Variants in CPNE4 observed in about 807,000 individuals in gnomAD.
CPNE4 encodes copine-4.
CPNE4 carries 25 observed loss-of-function variants against 67.9 expected under a neutral mutation model. That is an observed-to-expected ratio of 0.37 (90% CI 0.27 to 0.51). The LOEUF is 0.51. CPNE4 is among the 20% of genes least tolerant of loss of function. CPNE4 has a pLI of 0.93. For missense variants in CPNE4, 464 were observed against 690.8 expected, an observed-to-expected ratio of 0.67 and a Z score of 3.68; for synonymous variants, 242 against 244.9, an observed-to-expected ratio of 0.99 and a Z score of 0.11.
intron 2 of CPNE4, among the ~76,000 whole-genome samples, chr3:131,745,640 C>T (rs751742765): frequency 9.2e-5 from 14 of 152,060 alleles, no homozygotes; most frequent in Non-Finnish European, 2.1e-4. Flanking sequence ...CTATAAATGT[C>T]CAACTGCTTC....
chr3:131,938,582 T>C (rs999146196), intron 1 of CPNE4, among the ~76,000 whole-genome samples: 4 of 152,028 alleles, frequency 2.6e-5, no homozygotes, highest in African/African-American at 9.7e-5. Context: ...CTTACAATCA[T>C]GGCAGAATGC....
chr3:131,534,004 GA>G lies in CPNE4; in HGVS notation c.*1190del, dbSNP rs1241138371. The G allele has an allele frequency of 6.6e-6, 1 of 152,198 alleles. No homozygotes were observed. Among genetic ancestry groups the G allele is most frequent in the Non-Finnish European group, 1.5e-5 (1 of 68,030 alleles). The allele number at this position is 152,198 out of a possible 1,614,324, so 9.4% of individuals were successfully genotyped here. The stretch of plus-strand genomic sequence containing the variant: ...ATAGAATTTGTTCTCAGAAGTGATA[GA>G]AAGGAGGCAAGAAATTCCCACACTA... On this transcript the variant is annotated 3_prime_UTR_variant, in exon 16 of 16. Transcript: ENST00000429747.
chr3:132,010,120 T>C (rs2073715753), intron 1 of CPNE4, among the ~76,000 whole-genome samples: 1 of 152,138 alleles, frequency 6.6e-6, no homozygotes, highest in African/African-American at 2.4e-5. Context: ...AAGTTCCGAG[T>C]TTAAATCTTA....
intron 15 of CPNE4, among the ~76,000 whole-genome samples, chr3:131,540,182 A>G (rs1935396862): frequency 6.6e-6 from 1 of 151,044 alleles, no homozygotes; most frequent in Admixed American, 6.6e-5. Flanking sequence ...TTACTTAGAA[A>G]CTCTCTCTGT....
At chr3:131,929,309 T>C (rs956782246) in intron 1 of CPNE4, among the ~76,000 whole-genome samples, 1 of 151,464 alleles carries the variant, frequency 6.6e-6, no homozygotes, top group Non-Finnish European at 1.5e-5. Flanking sequence ...GTAGAACAGA[T>C]ACCACCTTAT....
At chr3:131,658,408 TCTAA>T (rs1286115519) in intron 7 of CPNE4, among the ~76,000 whole-genome samples, 3 of 152,232 alleles carry the variant, frequency 2.0e-5, no homozygotes, top group Non-Finnish European at 4.4e-5. Flanking sequence ...TGATGATCAT[TCTAA>T]CTTTCTTCTC....
intron 11 of CPNE4, among the ~76,000 whole-genome samples, 180 bp from the exon 12 acceptor site, chr3:131,555,731 A>G (rs1046476219): frequency 1.3e-5 from 2 of 152,044 alleles, no homozygotes; most frequent in African/African-American, 2.4e-5. Context: ...AATTAAAATC[A>G]AGAAACAGCC....
chr3:131,792,470 C>G (rs1655641851), intron 2 of CPNE4, among the ~76,000 whole-genome samples: 1 of 151,074 alleles, frequency 6.6e-6, no homozygotes, highest in South Asian at 2.1e-4. Context: ...GAAATACCAT[C>G]TATATACCAT....
At chr3:131,985,476 A>C (rs892300456) in intron 1 of CPNE4, among the ~76,000 whole-genome samples, 4 of 152,106 alleles carry the variant, frequency 2.6e-5, no homozygotes, top group African/African-American at 7.2e-5. Context: ...AGCTATTTTT[A>C]ATACCCATTT....
At chr3:131,801,325 T>C (rs1051133005) in intron 2 of CPNE4, among the ~76,000 whole-genome samples, 49 of 139,980 alleles carry the variant, frequency 3.5e-4, no homozygotes, top group Admixed American at 2.4e-3. Flanking sequence ...GTCTAGTCAC[T>C]GGAAACCATA....
Position 132,001,611 on chromosome 3 carries a change from G to GAAAGAAAGAAAGAA in CPNE4, c.-2+32955_-2+32956insTTCTTTCTTTCTTT, listed in dbSNP as rs1560766090. 1.6e-4 allele frequency among the ~76,000 whole-genome samples: 23 copies of GAAAGAAAGAAAGAA among 146,128 alleles called. No individual in the cohort carries two copies. The South Asian group carries it at 2.8e-3, about 18-fold the overall frequency. ...AGAAAGAAAGAAAGAAAGAAAGAAA[G>GAAAGAAAGAAAGAA]AAAGAAAATGAAGAGGAAGAGGAGA... On this transcript the variant is annotated intron_variant, in intron 1 of 15. Transcript: ENST00000429747.
chr3:132,025,071 G>T (rs1358698847), intron 1 of CPNE4, among the ~76,000 whole-genome samples: 2 of 152,168 alleles, frequency 1.3e-5, no homozygotes, highest in Non-Finnish European at 2.9e-5. Flanking sequence ...ATCACTTCGG[G>T]TTTTAACAAG....
At chr3:131,751,151 G>A (rs1453630807) in intron 2 of CPNE4, among the ~76,000 whole-genome samples, 1 of 152,026 alleles carries the variant, frequency 6.6e-6, no homozygotes, top group African/African-American at 2.4e-5. Context: ...TACCCTGCTT[G>A]AAGTTTCACT....
chr3:131,742,213 G>C (rs7624825), intron 2 of CPNE4, among the ~76,000 whole-genome samples: 77,625 of 152,010 alleles, frequency 0.51, 20,547 homozygotes, highest in Non-Finnish European at 0.58. Flanking sequence ...CAGGCCTTAT[G>C]CAACTCACTG....
chr3:132,000,646 A>T (rs1394892144), intron 1 of CPNE4, among the ~76,000 whole-genome samples: 2 of 151,892 alleles, frequency 1.3e-5, no homozygotes, highest in Non-Finnish European at 2.9e-5. Context: ...ATTCTTGGGT[A>T]AAAAACCCAA....
chr3:131,801,361 TATATA>T (rs2084099477), intron 2 of CPNE4, among the ~76,000 whole-genome samples: 1 of 136,408 alleles, frequency 7.3e-6, no homozygotes, highest in African/African-American at 2.7e-5. Flanking sequence ...GTACCATATA[TATATA>T]TGTACCATAT....
intron 1 of CPNE4, among the ~76,000 whole-genome samples, chr3:132,003,906 C>T (rs1444645618): frequency 1.3e-5 from 2 of 152,074 alleles, no homozygotes; most frequent in East Asian, 1.9e-4. Context: ...ATTTTAATTG[C>T]AAGATGGCAT....
intron 1 of CPNE4, among the ~76,000 whole-genome samples, chr3:131,933,508 C>T (rs2071130632): frequency 6.6e-6 from 1 of 152,020 alleles, no homozygotes; most frequent in Non-Finnish European, 1.5e-5. Context: ...CCACATAATC[C>T]AGCAATCCCA....
intron 1 of CPNE4, among the ~76,000 whole-genome samples, chr3:131,906,565 C>G (rs1337419427): frequency 1.3e-5 from 2 of 151,866 alleles, no homozygotes; most frequent in African/African-American, 4.8e-5. Context: ...ATCCATGTCC[C>G]TACAAAGGAC....
Sources: gnomAD v4.1 joint callset for allele counts (sites outside exome capture counted in the v4.1 genomes callset) on GRCh38, gnomAD v4.1.1 for gene constraint, MANE v1.5 for transcripts, NCBI Gene and HGNC (gene_info 2026-07-23, HGNC 2026-07-21) for gene names.